Variants in RHEX observed in about 807,000 individuals in gnomAD.
The protein encoded by RHEX is regulator of hemoglobinization and erythroid cell expansion protein.
A neutral mutation model predicts 20.1 loss-of-function variants in RHEX; 18 were observed. The observed-to-expected ratio is 0.90, with a 90% CI of 0.62 to 1.33. The LOEUF is 1.33. Among genes scored for constraint, RHEX ranks in the 40% most tolerant of loss-of-function variants. RHEX has a pLI of 0.00. For synonymous variants in RHEX, 87 were observed against 77.1 expected (o/e 1.13, Z -0.67); for missense variants, 192 against 214.3 (o/e 0.90, Z 0.65).
chr1:206,062,907 A>G (rs1662333428), intron 1 of RHEX, among the ~76,000 whole-genome samples: 1 of 152,232 alleles, frequency 6.6e-6, no homozygotes, highest in Non-Finnish European at 1.5e-5. Flanking sequence ...TGATCCCAAC[A>G]GACAAAGCCT....
At chr1:206,099,575 T>C in intron 3 of RHEX, 80 bp from the exon 4 acceptor site, 1 of 1,398,638 alleles carries the variant, frequency 7.1e-7, no homozygotes, top group Non-Finnish European at 9.8e-7. Flanking sequence ...TACCTCAGCC[T>C]CCCAAATTGC....
chr1:206,060,180 A>G (rs28420347), intron 1 of RHEX, among the ~76,000 whole-genome samples: 67,453 of 151,916 alleles, frequency 0.44, 17,115 homozygotes, highest in African/African-American at 0.71. Flanking sequence ...ATCCTCAAGA[A>G]CTGTTTTTCT....
At chr1:206,066,383 G>T (rs1662422582) in intron 1 of RHEX, among the ~76,000 whole-genome samples, 1 of 152,226 alleles carries the variant, frequency 6.6e-6, no homozygotes, top group Admixed American at 6.5e-5. Context: ...TTGGAAGGCC[G>T]AGGCGGACGG....
intron 2 of RHEX, 56 bp downstream of exon 2, chr1:206,097,895 C>A: frequency 7.3e-7 from 1 of 1,367,282 alleles, no homozygotes; most frequent in Non-Finnish European, 1.0e-6. Flanking sequence ...ACTGGTGTAG[C>A]TGTCTTCCAA....
In RHEX at chr1:206,099,392, C is replaced by T. The variant is rs868929413; in HGVS notation, c.113-263C>T. 9.2e-5 allele frequency among the ~76,000 whole-genome samples: 14 copies of T among 151,896 alleles called. 1 individual carries two copies. Among genetic ancestry groups the T allele is most frequent in the Middle Eastern group, 3.4e-3 (1 of 294 alleles). On this transcript the variant is annotated intron_variant, in intron 3 of 5. Transcript: ENST00000331555. ...TGAGTGCAGTGGCACAGTCTCGGCT[C>T]GCTGCAACCTCTGCCTCCCAGGTTC...
intron 1 of RHEX, among the ~76,000 whole-genome samples, chr1:206,087,688 G>A (rs1429283194): frequency 6.6e-6 from 1 of 152,174 alleles, no homozygotes; most frequent in Non-Finnish European, 1.5e-5. Context: ...TATTAACATG[G>A]TGAGATATAA....
At chr1:206,071,107 A>G (rs1221361895) in intron 1 of RHEX, among the ~76,000 whole-genome samples, 1 of 152,208 alleles carries the variant, frequency 6.6e-6, no homozygotes, top group Admixed American at 6.5e-5. Flanking sequence ...CCAAAACCTC[A>G]TAAGTAGGGA....
chr1:206,056,866 A>G (rs998531314), intron 1 of RHEX, among the ~76,000 whole-genome samples: 3 of 152,266 alleles, frequency 2.0e-5, no homozygotes, highest in Non-Finnish European at 4.4e-5. Flanking sequence ...ATGTGTCAAT[A>G]CTGGTCTTGC....
At chr1:206,097,572 G>A (rs1379965847) in intron 1 of RHEX, 161 bp from the exon 2 acceptor site, 2 of 561,910 alleles carry the variant, frequency 3.6e-6, no homozygotes, top group African/African-American at 3.8e-5. Flanking sequence ...GGTTCTTTAG[G>A]AGAAGTGTCT....
chr1:206,085,199 T>C (rs1018752095), intron 1 of RHEX, among the ~76,000 whole-genome samples: 3 of 152,192 alleles, frequency 2.0e-5, no homozygotes, highest in African/African-American at 7.2e-5. Context: ...ATTTATTATA[T>C]GCAAATTGAT....
At position 206,099,780 on chromosome 1, in the gene RHEX, T is replaced by A; in HGVS notation, c.238T>A (p.Ser80Thr). 1 of 1,614,076 alleles carries A rather than the reference T, an allele frequency of 6.2e-7. No homozygotes were observed. Among genetic ancestry groups the A allele is most frequent in the Non-Finnish European group, 8.5e-7 (1 of 1,179,974 alleles). Residue 80 changes from serine to threonine, a missense_variant, in exon 4 of 6, where the codon TCT becomes ACT. Transcript: ENST00000331555. ...TCAGACAGAGAGAGACATCCCAATG[T>A]CTGATTCCCTTTACAGGCGTGAGTA... ...ETQTERDIPMSDSLYRHDSDT... is the reference protein window; with the variant it reads ...ETQTERDIPMTDSLYRHDSDT...
intron 1 of RHEX, among the ~76,000 whole-genome samples, chr1:206,064,466 C>T (rs1408727609): frequency 2.1e-4 from 5 of 23,862 alleles, no homozygotes; most frequent in East Asian, 1.2e-3. Context: ...CCCGACCAGC[C>T]GCCCCGTCCG....
At chr1:206,054,886 A>G (rs1001872831) in intron 1 of RHEX, among the ~76,000 whole-genome samples, 2 of 152,396 alleles carry the variant, frequency 1.3e-5, no homozygotes, top group South Asian at 2.1e-4. Flanking sequence ...GCTAAAGGAA[A>G]CATTCATTTT....
At chr1:206,096,070 T>G (rs1359983928) in intron 1 of RHEX, among the ~76,000 whole-genome samples, 2 of 152,120 alleles carry the variant, frequency 1.3e-5, no homozygotes, top group African/African-American at 2.4e-5. Context: ...ACTCAAACAA[T>G]CCACCTGCAT....
chr1:206,057,899 T>G (rs2102303112), intron 1 of RHEX, among the ~76,000 whole-genome samples: 1 of 152,390 alleles, frequency 6.6e-6, no homozygotes, highest in Non-Finnish European at 1.5e-5. Flanking sequence ...GTTTTAGAAA[T>G]TATTACTAAT....
chr1:206,064,234 G>C (rs1357661541), intron 1 of RHEX, among the ~76,000 whole-genome samples: 2 of 147,884 alleles, frequency 1.4e-5, no homozygotes, highest in Non-Finnish European at 1.5e-5. Flanking sequence ...GTCTCTGCCC[G>C]GCAGCCACCC....
chr1:206,063,129 T>C lies in RHEX; in HGVS notation c.-97+9864T>C, dbSNP rs74619854. Among the ~76,000 whole-genome samples the C allele has an allele frequency of 2.9e-3, 445 of 152,184 alleles. 18 individuals are homozygous for C. In the East Asian group the frequency reaches 0.078, roughly 27 times the overall value. ...AAAAGAAAGGTAAGAATGTGACACC[T>C]GATGATAAATAGGGAAAGAGTATTT... On this transcript the variant is annotated intron_variant, in intron 1 of 5. Coordinates refer to ENST00000331555, the MANE Select transcript of RHEX (RefSeq NM_001007544.4).
At chr1:206,054,795 G>C (rs184790484) in intron 1 of RHEX, among the ~76,000 whole-genome samples, 24 of 152,342 alleles carry the variant, frequency 1.6e-4, no homozygotes, top group Admixed American at 1.5e-3. Context: ...AGCTTATCTG[G>C]TATAAAAATC....
At chr1:206,068,872 C>T (rs558659027) in intron 1 of RHEX, among the ~76,000 whole-genome samples, 1 of 152,346 alleles carries the variant, frequency 6.6e-6, no homozygotes, top group South Asian at 2.1e-4. Flanking sequence ...TTCTTTGTGA[C>T]ACTCTGTGGG....
Sources: allele counts gnomAD v4.1 joint callset (sites outside exome capture counted in the v4.1 genomes callset), GRCh38; gene constraint gnomAD v4.1.1; transcripts MANE v1.5; gene names NCBI Gene and HGNC (gene_info 2026-07-23, HGNC 2026-07-21).